The following HK3 variants were observed in gnomAD, a reference collection of about 807,000 sequenced individuals.
HK3 encodes the protein hexokinase-3.
HK3 carries 93 observed loss-of-function variants against 91.0 expected under a neutral mutation model. The ratio of observed to expected loss-of-function variants is 1.02; its 90% CI spans 0.86 to 1.21. The LOEUF (loss-of-function observed/expected upper bound fraction) is 1.21, where lower values mean the gene tolerates loss of function less well. HK3 is among the 50% of genes most tolerant of loss of function. The pLI, the probability that HK3 is intolerant of heterozygous loss-of-function variation, is 0.00. For synonymous variants in HK3, 519 were observed against 516.9 expected (o/e 1.00, Z -0.06); for missense variants, 1,235 against 1,247.4 (o/e 0.99, Z 0.15).
chr5:176,895,940 G>T, intron 2 of HK3, 124 bp downstream of exon 2: 1 of 785,074 alleles, frequency 1.3e-6, no homozygotes, highest in Non-Finnish European at 2.2e-6. Context: ...TACCAGCTCA[G>T]ATATGAAAAG....
At chr5:176,885,529 C>T (rs1758562420) in intron 13 of HK3, among the ~76,000 whole-genome samples, 1 of 152,122 alleles carries the variant, frequency 6.6e-6, no homozygotes, top group African/African-American at 2.4e-5. Flanking sequence ...TCAAGTGATT[C>T]TCCTGCCTCA....
chr5:176,883,669 T>A (rs1441749287), intron 15 of HK3, 101 bp downstream of exon 15: 2 of 936,402 alleles, frequency 2.1e-6, no homozygotes, highest in Non-Finnish European at 3.4e-6. Flanking sequence ...ACCAGAGCAA[T>A]CCCACATCCC....
chr5:176,898,510 C>T (rs1273587966), intron 1 of HK3, among the ~76,000 whole-genome samples: 2 of 152,192 alleles, frequency 1.3e-5, no homozygotes, highest in Non-Finnish European at 2.9e-5. Context: ...TTTCTCAAGG[C>T]CCAGCTAGTT....
Position 176,891,178 on chromosome 5 carries a change from G to C in HK3, c.273C>G (p.Phe91Leu), listed in dbSNP as rs756951418. 6.2e-7 allele frequency: 1 copy of C among 1,614,122 alleles called. No individual in the cohort carries two copies. Among genetic ancestry groups the C allele is most frequent in the Non-Finnish European group, 8.5e-7 (1 of 1,180,032 alleles). The part of the protein sequence containing the change: ...STPHGTEQGD[F>L]VVLELGATGA... The stretch of plus-strand genomic sequence containing the variant: ...CTGTGGCCCCCAGCTCCAGCACCAC[G>C]AAGTCTCCTTGCTCTGGAGGGCAAG... Residue 91 changes from phenylalanine (F) to leucine (L), a missense_variant, in exon 4 of 19, where the codon TTC becomes TTG. Physicochemically the swap from Phe to Leu is conservative, Grantham distance 22. Transcript: ENST00000292432.
chr5:176,888,372 C>G lies in HK3; in HGVS notation c.1264G>C (p.Ala422Pro), dbSNP rs1758658342. 16 of 1,562,128 alleles carry G rather than the reference C, an allele frequency of 1.0e-5. No individual in the cohort carries two copies. Among genetic ancestry groups the G allele is most frequent in the Non-Finnish European group, 1.4e-5 (16 of 1,152,542 alleles). Residue 422 changes from alanine (A) to proline (P), a missense_variant, in exon 10 of 19, where the codon GCT (alanine) becomes CCT (proline). Coordinates refer to ENST00000292432, the MANE Select transcript of HK3 (RefSeq NM_002115.3). ...CACACTCGGCCTCCGGTGGCCACAG[C>G]AACCTGGAGTGTTTGTTGCTCCCGG... The part of the protein sequence containing the change: ...HSREQQTLQV[A>P]VATGGRVCER...
chr5:176,882,670 G>A (rs1487974549), intron 15 of HK3, among the ~76,000 whole-genome samples: 2 of 152,232 alleles, frequency 1.3e-5, no homozygotes, highest in African/African-American at 2.4e-5. Flanking sequence ...ACCACGGGGC[G>A]AGTCTCTGCC....
Position 176,881,794 on chromosome 5 carries a change from A to G in HK3, c.2291T>C (p.Leu764Pro). 6.2e-7 allele frequency: 1 copy of G among 1,614,138 alleles called. No individual in the cohort carries two copies. ...MYLGEIVRHI[L>P]LHLTSLGVLF... is the part of the protein sequence containing the mutation. ...AACGCCAAGGCTGGTTAAATGTAAAAGGATGTGGCGGACGATCTCCCCCAG... is the reference window on the plus strand; with the variant it reads ...AACGCCAAGGCTGGTTAAATGTAAAGGGATGTGGCGGACGATCTCCCCCAG... The change falls in exon 17 of 19, where the codon CTT (leucine) becomes CCT (proline). Residue 764 changes from leucine (L) to proline (P), a missense_variant. Transcript: ENST00000292432.
rs691009 is a variant in HK3, at chr5:176,883,123, C to T, written c.2053+647G>A. On this transcript the variant is annotated intron_variant, in intron 15 of 18. Coordinates refer to ENST00000292432, the MANE Select transcript of HK3 (RefSeq NM_002115.3). ...GTGTAGAATCAAGTCACTCTCTGAC[C>T]GCTACGTGTTGTTCTGGGCTTAACC... Among the ~76,000 whole-genome samples, 890 of 152,330 alleles carry T rather than the reference C, an allele frequency of 5.8e-3. 7 individuals carry two copies. The highest frequency in any genetic ancestry group is 0.016 in the African/African-American group (655 of 41,568).
chr5:176,884,015 A>G lies in HK3; in HGVS notation c.1953+24T>C, dbSNP rs749624235. On this transcript the variant is annotated intron_variant, in intron 14 of 18. Coordinates refer to ENST00000292432, the MANE Select transcript of HK3 (RefSeq NM_002115.3). The surrounding 1 kb of genome is among the most constrained non-coding windows in gnomAD (Gnocchi z 4.1). ...CCCTCAAGGCCTGCCACAGCCCCAA[A>G]GCACCCCTAGAACAGGCTCCTACCT... The G allele has an allele frequency of 1.7e-5, 28 of 1,610,754 alleles. No individual in the cohort carries two copies. Among genetic ancestry groups the G allele is most frequent in the Non-Finnish European group, 2.0e-5 (24 of 1,177,104 alleles).
Position 176,888,756 on chromosome 5 carries a change from C to G in HK3, c.1023G>C (p.Leu341=), listed in dbSNP as rs1162078540. Residue 341 remains leucine (L), a synonymous_variant, in exon 9 of 19, where the codon CTG becomes CTC. Coordinates refer to ENST00000292432, the MANE Select transcript of HK3 (RefSeq NM_002115.3). The part of the protein sequence containing the change: ...VLFGGCTSPA[L]LSQGSILLEH... Reference sequence around the variant, plus strand: ...CCAGGAGGATGCTGCCTTGGCTCAGCAGGGCAGGGGAGGTGCAGCCACCAA... The same window carrying G: ...CCAGGAGGATGCTGCCTTGGCTCAGGAGGGCAGGGGAGGTGCAGCCACCAA... 6.2e-7 allele frequency: 1 copy of G among 1,614,218 alleles called. No homozygotes were observed. Among genetic ancestry groups the G allele is most frequent in the South Asian group, 1.1e-5 (1 of 91,090 alleles).
chr5:176,881,953 C>T lies in HK3; in HGVS notation c.2228G>A (p.Gly743Asp). ...ASVDQASINPGKQRFEKMISG... is the reference protein window; with the variant it reads ...ASVDQASINPDKQRFEKMISG... ...TGGGCCCAGCCCACACCTCTGCTTG[C>T]CGGGGTTGATGGACGCCTGGTCCAC... The change falls in exon 16 of 19, where the codon GGC (glycine) becomes GAC (aspartate). Residue 743 changes from glycine (G) to aspartate (D), a missense_variant. Transcript: ENST00000292432. The T allele has an allele frequency of 6.2e-7, 1 of 1,613,602 alleles. No individual in the cohort carries two copies. The highest frequency in any genetic ancestry group is 8.5e-7 in the Non-Finnish European group (1 of 1,179,946).
chr5:176,881,212 G>C lies in HK3; in HGVS notation c.2633C>G (p.Ser878Cys), dbSNP rs1054847748. Residue 878 changes from serine (S) to cysteine (C), a missense_variant, in exon 19 of 19, where the codon TCC (serine) becomes TGC (cysteine). By Grantham distance (112) the Ser-to-Cys change is moderately radical (BLOSUM62 -1). This residue lies in a region of HK3 where 513 missense variants were observed against 477.4 expected (regional missense o/e 1.07). Coordinates refer to ENST00000292432, the MANE Select transcript of HK3 (RefSeq NM_002115.3). The stretch of plus-strand genomic sequence containing the variant: ...CCGCACTGTGGCCGCCACCAGGCTG[G>C]AGAAGCTGTGAGAGGAGGGCTGAGG... ...GTLYKLHPRF[S>C]SLVAATVREL... The C allele has an allele frequency of 1.2e-6, 2 of 1,613,192 alleles. No homozygotes were observed. The highest frequency in any genetic ancestry group is 3.3e-5 in the Admixed American group (2 of 59,998).
At chr5:176,882,356 T>C (rs1226596854) in intron 15 of HK3, among the ~76,000 whole-genome samples, 2 of 152,156 alleles carry the variant, frequency 1.3e-5, no homozygotes, top group African/African-American at 4.8e-5. Context: ...TCACCATCAG[T>C]GCATCCACCA....
At chr5:176,885,909 A>G (rs979120049) in intron 13 of HK3, among the ~76,000 whole-genome samples, 1 of 152,020 alleles carries the variant, frequency 6.6e-6, no homozygotes, top group Admixed American at 6.6e-5. Context: ...TGCACCATCC[A>G]AAGGACCACC....
In HK3 at chr5:176,885,710, G is replaced by A. The variant is rs544894269; in HGVS notation, c.1857+1292C>T. Among the ~76,000 whole-genome samples the A allele has an allele frequency of 3.5e-4, 53 of 152,022 alleles. No individual in the cohort carries two copies. The South Asian group carries it at 5.4e-3, about 16-fold the overall frequency. On this transcript the variant is annotated intron_variant, in intron 13 of 18. Coordinates refer to ENST00000292432, the MANE Select transcript of HK3 (RefSeq NM_002115.3). ...GCTGGGATTACAAGCGTGAGCCACC[G>A]CGCCCAGCCTTCAGCACAGAAATTA...
intron 16 of HK3, 31 bp from the exon 17 acceptor site, chr5:176,881,878 GC>G: frequency 6.2e-7 from 1 of 1,611,830 alleles, no homozygotes; most frequent in Non-Finnish European, 8.5e-7. Context: ...TCGGCAGAAG[GC>G]CCCACCAGCC....
At chr5:176,892,959 C>T (rs1421372058) in intron 2 of HK3, among the ~76,000 whole-genome samples, 4 of 152,190 alleles carry the variant, frequency 2.6e-5, no homozygotes, top group African/African-American at 9.7e-5. Flanking sequence ...GTGCCCATGC[C>T]CACTCTATCT....
chr5:176,891,904 T>C (rs1247971900), intron 2 of HK3, among the ~76,000 whole-genome samples: 2 of 152,174 alleles, frequency 1.3e-5, no homozygotes, highest in Non-Finnish European at 2.9e-5. Flanking sequence ...CAAGAGTCTC[T>C]CAGTGAGTTG....
In HK3 at chr5:176,887,841, G is replaced by T; in HGVS notation, c.1305-95C>A. On this transcript the variant is annotated intron_variant, in intron 10 of 18. Transcript: ENST00000292432. This position sits in a 1 kb window ranked among gnomAD's most constrained non-coding sequence, Gnocchi z 4.9. Reference sequence around the variant, plus strand: ...GCCCTGGACCCCCAGATACATACAGGTGTGCCCAGCTTGGCCCCAGACCCC... The same window carrying T: ...GCCCTGGACCCCCAGATACATACAGTTGTGCCCAGCTTGGCCCCAGACCCC... The T allele has an allele frequency of 1.5e-6, 2 of 1,357,284 alleles. No homozygotes were observed. Among genetic ancestry groups the T allele is most frequent in the South Asian group, 1.4e-5 (1 of 71,356 alleles). 84.1% of individuals were successfully genotyped at this position (1,357,284 alleles called of 1,614,324 possible). A position where few individuals can be genotyped will look rare whatever the true frequency, so the allele number is the denominator to read the frequency against.
Sources: gnomAD v4.1 joint callset for allele counts (sites outside exome capture counted in the v4.1 genomes callset) on GRCh38, gnomAD v4.1.1 for gene constraint, gnomAD v4.1.1 regional missense constraint, Gnocchi (gnomAD v3.1) non-coding constraint, MANE v1.5 for transcripts, NCBI Gene and HGNC (gene_info 2026-07-23, HGNC 2026-07-21) for gene names.